KDM5B: variants seen among roughly 807,000 people sequenced by gnomAD.
KDM5B encodes lysine-specific demethylase 5B.
A neutral mutation model predicts 193.4 loss-of-function variants in KDM5B; 144 were observed. The ratio of observed to expected loss-of-function variants is 0.74; its 90% confidence interval spans 0.65 to 0.86. KDM5B has a LOEUF of 0.86. Ranked by LOEUF, KDM5B falls within the 40% of genes least tolerant of loss-of-function variation. The pLI, the probability that KDM5B is intolerant of heterozygous loss-of-function variation, is 0.00. For synonymous variants in KDM5B, 668 were observed against 682.6 expected (o/e 0.98, Z 0.33); for missense variants, 1,833 against 1,886.9 (o/e 0.97, Z 0.53).
intron 1 of KDM5B, among the ~76,000 whole-genome samples, chr1:202,800,858 G>A (rs1307668323): frequency 6.6e-6 from 1 of 152,188 alleles, no homozygotes; most frequent in African/African-American, 2.4e-5. Flanking sequence ...CAGACCTGCA[G>A]CTGGTCAAGT....
chr1:202,760,660 C>CTAGATTATGTCTCAG, intron 7 of KDM5B, 87 bp from the exon 8 acceptor site: 5 of 925,330 alleles, frequency 5.4e-6, no homozygotes, highest in Non-Finnish European at 8.1e-6. Context: ...GGATCTGAGA[C>CTAGATTATGTCTCAG]ATAATCTAGT....
At chr1:202,774,783 GCTC>G in intron 2 of KDM5B, 48 bp from the exon 3 acceptor site, 1 of 1,565,986 alleles carries the variant, frequency 6.4e-7, no homozygotes, top group Admixed American at 1.7e-5. Context: ...TTATTTTAAA[GCTC>G]CTATTACCTG....
chr1:202,761,829 T>C (rs1008070696), intron 7 of KDM5B, among the ~76,000 whole-genome samples: 1 of 152,178 alleles, frequency 6.6e-6, no homozygotes, highest in African/African-American at 2.4e-5. Flanking sequence ...CACATCCTTA[T>C]GGCAGCCACA....
At chr1:202,737,520 A>T (rs1027732423) in intron 20 of KDM5B, among the ~76,000 whole-genome samples, 2 of 152,252 alleles carry the variant, frequency 1.3e-5, no homozygotes, top group Admixed American at 1.3e-4. Context: ...ACTTAGCATC[A>T]CTAATGGTAG....
chr1:202,791,442 C>A (rs141199292), intron 1 of KDM5B, among the ~76,000 whole-genome samples: 1 of 152,292 alleles, frequency 6.6e-6, no homozygotes, highest in African/African-American at 2.4e-5. Context: ...AGCTTCCTAA[C>A]AACACATTTC....
intron 3 of KDM5B, among the ~76,000 whole-genome samples, chr1:202,774,281 G>A (rs1172094561): frequency 1.3e-5 from 2 of 152,144 alleles, no homozygotes; most frequent in Non-Finnish European, 2.9e-5. Flanking sequence ...GTCTCGCTCA[G>A]TTACCCAGGC....
Position 202,746,290 on chromosome 1 carries a change from G to A in KDM5B, c.2050C>T (p.Leu684=), listed in dbSNP as rs777901947. 5 of 1,611,324 alleles carry A rather than the reference G, an allele frequency of 3.1e-6. No homozygotes were observed. Among genetic ancestry groups the A allele is most frequent in the Non-Finnish European group, 3.4e-6 (4 of 1,178,992 alleles). The change falls in exon 15 of 27, where the codon CTG becomes TTG. Residue 684 remains leucine, a synonymous_variant. Transcript: ENST00000367265. ...VIDSERMDFE[L]LPDDERQCVK... is the part of the protein sequence containing the mutation. ...CACTGACGTTCATCATCTGGCAACA[G>A]CTCAAAATCCATTCTTTCCGAATCA...
chr1:202,768,157 A>C lies in KDM5B; in HGVS notation c.577-1097T>G, dbSNP rs1460594795. The stretch of plus-strand genomic sequence containing the variant: ...CAGCAATAACTTTGGTTCTGATCAG[A>C]AATGCATCTCTTCTTTGGTTTTTCT... On this transcript the variant is annotated intron_variant, in intron 4 of 26. Transcript: ENST00000367265. Among the ~76,000 whole-genome samples, 4 of 152,212 alleles carry C rather than the reference A, an allele frequency of 2.6e-5. No individual in the cohort carries two copies. In the East Asian group the frequency reaches 7.7e-4, roughly 29 times the overall value.
intron 21 of KDM5B, 128 bp downstream of exon 21, chr1:202,736,085 G>T: frequency 1.6e-6 from 1 of 637,310 alleles, no homozygotes. Context: ...GAGTCTCCCT[G>T]GCTTTACGGG....
At chr1:202,803,493 A>G (rs1658159566) in intron 1 of KDM5B, among the ~76,000 whole-genome samples, 1 of 152,304 alleles carries the variant, frequency 6.6e-6, no homozygotes, top group Non-Finnish European at 1.5e-5. Flanking sequence ...CACCCATTCA[A>G]TAACTACAAC....
At chr1:202,807,203 C>G (rs990820803) in intron 1 of KDM5B, 5 of 152,280 alleles carry the variant, frequency 3.3e-5, no homozygotes, top group African/African-American at 1.2e-4. Flanking sequence ...TCTGACGTTC[C>G]CCTACAAACA....
chr1:202,796,814 A>G (rs1304993017), intron 1 of KDM5B: 1 of 154,966 alleles, frequency 6.5e-6, no homozygotes, highest in Non-Finnish European at 1.5e-5. Context: ...TGGCAGCATC[A>G]CCATGATGCT....
chr1:202,763,327 A>G (rs1656325161), intron 6 of KDM5B, among the ~76,000 whole-genome samples: 3 of 152,250 alleles, frequency 2.0e-5, no homozygotes, highest in Non-Finnish European at 4.4e-5. Flanking sequence ...TGCTTTCCAT[A>G]AAGTATTTAA....
intron 2 of KDM5B, among the ~76,000 whole-genome samples, chr1:202,775,880 ATATATATAT>A (rs1401375295): frequency 1.6e-5 from 1 of 62,548 alleles, no homozygotes; most frequent in Non-Finnish European, 2.9e-5. Context: ...AAAAAAAAAA[ATATATATAT>A]ATATATATAT....
At chr1:202,761,301 C>G (rs771656004) in intron 7 of KDM5B, among the ~76,000 whole-genome samples, 1 of 151,922 alleles carries the variant, frequency 6.6e-6, no homozygotes, top group Non-Finnish European at 1.5e-5. Context: ...AAAAATTAGC[C>G]GGGCATGGTG....
intron 25 of KDM5B, among the ~76,000 whole-genome samples, chr1:202,730,468 C>T (rs1654840405): frequency 6.6e-6 from 1 of 152,228 alleles, no homozygotes; most frequent in South Asian, 2.1e-4. Flanking sequence ...TACACCCCCA[C>T]ACCTTATAGG....
At chr1:202,758,345 C>T (rs1165964192) in intron 9 of KDM5B, 46 bp downstream of exon 9, 2 of 1,506,592 alleles carry the variant, frequency 1.3e-6, no homozygotes, top group Non-Finnish European at 1.8e-6. Context: ...CACTTTTCTC[C>T]AAAAGCTATT....
chr1:202,731,324 G>C (rs1654876124), intron 24 of KDM5B, among the ~76,000 whole-genome samples: 1 of 152,192 alleles, frequency 6.6e-6, no homozygotes, highest in African/African-American at 2.4e-5. Context: ...TTACCTTATT[G>C]CTAATGCAGA....
intron 4 of KDM5B, among the ~76,000 whole-genome samples, chr1:202,769,618 G>A (rs553709169): frequency 5.3e-4 from 68 of 129,148 alleles, no homozygotes; most frequent in African/African-American, 1.9e-3. Flanking sequence ...GCAATGAGCC[G>A]AGATCATGCC....
Sources: gnomAD v4.1 joint callset for allele counts (sites outside exome capture counted in the v4.1 genomes callset) on GRCh38, gnomAD v4.1.1 for gene constraint, MANE v1.5 for transcripts, NCBI Gene and HGNC (gene_info 2026-07-23, HGNC 2026-07-21) for gene names.